LIFR: variants seen among roughly 807,000 people sequenced by gnomAD.
LIFR encodes leukemia inhibitory factor receptor.
In LIFR, 84 loss-of-function variants were observed where a neutral mutation model predicts 122.2. The observed-to-expected ratio is 0.69, with a 90% confidence interval of 0.58 to 0.82. The LOEUF is 0.82. Among genes scored for constraint, LIFR ranks in the 40% least tolerant of loss-of-function variants. LIFR has a pLI of 0.00. For synonymous variants in LIFR, 422 were observed against 434.7 expected (o/e 0.97, Z 0.36); for missense variants, 1,294 against 1,311.6 (o/e 0.99, Z 0.21).
intron 5 of LIFR, among the ~76,000 whole-genome samples, chr5:38,517,718 G>A (rs746211596): frequency 1.2e-4 from 18 of 151,548 alleles, no homozygotes; most frequent in Admixed American, 6.6e-4. Context: ...TTAGTCGGGC[G>A]TGGTGGCATG....
intron 2 of LIFR, 124 bp downstream of exon 2, chr5:38,530,382 A>T (rs1468980759): frequency 3.0e-6 from 2 of 672,590 alleles, no homozygotes; most frequent in East Asian, 2.9e-5. Context: ...AAAAAAGATG[A>T]CAAAAAAAAT....
rs539622689 is a variant in LIFR, at chr5:38,531,898, G to A, written c.-19-1232C>T. Among the ~76,000 whole-genome samples the A allele has an allele frequency of 7.2e-5, 11 of 152,312 alleles. No homozygotes were observed. In the South Asian group the frequency reaches 8.3e-4, roughly 11 times the overall value. ...ATTATAACCATAACATGCAAAAGGC[G>A]TGAGCACACATTTCAAAAGTGTTCT... On this transcript the variant is annotated intron_variant, in intron 1 of 19. Coordinates refer to ENST00000453190, the MANE Select transcript of LIFR (RefSeq NM_001127671.2).
In LIFR at chr5:38,478,237, A is replaced by G. The variant is rs992413387; in HGVS notation, c.*3358T>C. ...ATACAATATGCATGAAGTTTTGAAA[A>G]TGTGACTTTTTACCACAGTTTCTGA... is the stretch of plus-strand genomic sequence containing the variant. On this transcript the variant is annotated 3_prime_UTR_variant, in exon 20 of 20. Coordinates refer to ENST00000453190, the MANE Select transcript of LIFR (RefSeq NM_001127671.2). The G allele has an allele frequency of 1.5e-5, 3 of 206,810 alleles. No homozygotes were observed. The highest frequency in any genetic ancestry group is 6.8e-5 in the African/African-American group (3 of 43,848). 12.8% of individuals were successfully genotyped at this position (206,810 alleles called of 1,614,324 possible).
chr5:38,579,758 G>C (rs1272902682), intron 1 of LIFR, among the ~76,000 whole-genome samples: 5 of 152,142 alleles, frequency 3.3e-5, no homozygotes, highest in Non-Finnish European at 5.9e-5. Context: ...ATTCCTAATA[G>C]AATGTTGCAT....
At chr5:38,590,563 G>A (rs561779354) in intron 1 of LIFR, among the ~76,000 whole-genome samples, 6 of 152,308 alleles carry the variant, frequency 3.9e-5, no homozygotes, top group Non-Finnish European at 5.9e-5. Context: ...AATGATGACC[G>A]TGAATAACAA....
intron 1 of LIFR, among the ~76,000 whole-genome samples, chr5:38,582,537 A>C (rs1749620921): frequency 6.6e-6 from 1 of 152,188 alleles, no homozygotes; most frequent in Non-Finnish European, 1.5e-5. Flanking sequence ...TATATATAAT[A>C]TTCAAATTAA....
At chr5:38,539,735 G>C (rs915395048) in intron 1 of LIFR, among the ~76,000 whole-genome samples, 2 of 151,530 alleles carry the variant, frequency 1.3e-5, no homozygotes, top group Non-Finnish European at 2.9e-5. Context: ...TTCTAGGAGG[G>C]GGAAAAATAC....
intron 1 of LIFR, among the ~76,000 whole-genome samples, chr5:38,552,759 C>T (rs926590589): frequency 3.3e-5 from 5 of 152,268 alleles, no homozygotes; most frequent in African/African-American, 1.2e-4. Context: ...ACAGTATAAC[C>T]GATTGGCTGA....
intron 1 of LIFR, among the ~76,000 whole-genome samples, chr5:38,588,953 T>C (rs905266926): frequency 6.6e-6 from 1 of 152,108 alleles, no homozygotes; most frequent in Non-Finnish European, 1.5e-5. Flanking sequence ...TGCATATGTT[T>C]ATTGGTATTT....
upstream of LIFR, chr5:38,557,243 C>G (rs1418633608): frequency 6.6e-6 from 1 of 152,194 alleles, no homozygotes; most frequent in African/African-American, 2.4e-5. Flanking sequence ...TATCCTGGAG[C>G]CATCTAGTCT....
chr5:38,565,781 T>G (rs1320691752), intron 1 of LIFR, among the ~76,000 whole-genome samples: 1 of 152,092 alleles, frequency 6.6e-6, no homozygotes. Flanking sequence ...GAGACAGGGT[T>G]TCTCCATGTT....
In LIFR at chr5:38,484,872, A is replaced by G; in HGVS notation, c.2498-4T>C. 6.2e-7 allele frequency: 1 copy of G among 1,600,344 alleles called. No homozygotes were observed. The highest frequency in any genetic ancestry group is 8.6e-7 in the Non-Finnish European group (1 of 1,167,772). Reference sequence around the variant, plus strand: ...ATGGCAATAATTAATCCCACAGCTGAAACGAGAGTATTGCAAATATTAAAA... The same window carrying G: ...ATGGCAATAATTAATCCCACAGCTGGAACGAGAGTATTGCAAATATTAAAA... On this transcript the variant is annotated splice_region_variant and splice_polypyrimidine_tract_variant and intron_variant, in intron 17 of 19. Transcript: ENST00000453190.
chr5:38,533,856 G>T (rs2112583082), intron 1 of LIFR, among the ~76,000 whole-genome samples: 1 of 152,218 alleles, frequency 6.6e-6, no homozygotes, highest in East Asian at 1.9e-4. Context: ...GCACAGTCAG[G>T]GTGAAAGGAA....
At chr5:38,572,759 T>C (rs997335774) in intron 1 of LIFR, among the ~76,000 whole-genome samples, 9 of 152,214 alleles carry the variant, frequency 5.9e-5, no homozygotes, top group African/African-American at 1.7e-4. Flanking sequence ...GCACACCTAC[T>C]ACATGCCAAG....
intron 1 of LIFR, among the ~76,000 whole-genome samples, chr5:38,536,635 T>C (rs952670284): frequency 6.6e-6 from 1 of 152,332 alleles, no homozygotes; most frequent in Admixed American, 6.5e-5. Context: ...TGATCATAAA[T>C]ACTCATTAAA....
intron 1 of LIFR, among the ~76,000 whole-genome samples, chr5:38,607,103 T>G (rs80184274): frequency 0.036 from 5,543 of 152,318 alleles, 142 homozygotes; most frequent in Non-Finnish European, 0.053. Flanking sequence ...AAATAGTATT[T>G]AGAAATGAGA....
chr5:38,568,846 A>G (rs1359123890), intron 1 of LIFR, among the ~76,000 whole-genome samples: 4 of 152,206 alleles, frequency 2.6e-5, no homozygotes, highest in Admixed American at 2.0e-4. Flanking sequence ...TTGAGACAGT[A>G]GTTTGTCAAA....
At chr5:38,557,119 G>C (rs1748623928), upstream of LIFR, 1 of 152,292 alleles carries the variant, frequency 6.6e-6, no homozygotes, top group Non-Finnish European at 1.5e-5. Context: ...ATGATTGTTG[G>C]GACTTTGCGA....
intron 1 of LIFR, among the ~76,000 whole-genome samples, chr5:38,587,386 G>A (rs35152889): frequency 0.024 from 3,661 of 152,162 alleles, 65 homozygotes; most frequent in Middle Eastern, 0.044. Context: ...TACTGGTGCT[G>A]GAGGTGAAAA....
Sources: allele counts gnomAD v4.1 joint callset (sites outside exome capture counted in the v4.1 genomes callset), GRCh38; gene constraint gnomAD v4.1.1; transcripts MANE v1.5; gene names NCBI Gene and HGNC (gene_info 2026-07-23, HGNC 2026-07-21).